The following MYRFL variants were observed in gnomAD, a reference collection of about 807,000 sequenced individuals.
MYRFL encodes the protein myelin regulatory factor like.
MYRFL carries 88 observed loss-of-function variants against 109.4 expected under a neutral mutation model. That is an observed-to-expected ratio of 0.80 (90% CI 0.68 to 0.96). MYRFL has a LOEUF of 0.96. Ranked by LOEUF, MYRFL falls within the 40% of genes least tolerant of loss-of-function variation. The pLI, the probability that MYRFL is intolerant of heterozygous loss-of-function variation, is 0.00. For missense variants in MYRFL, 957 were observed against 954.9 expected, an observed-to-expected ratio of 1.00 and a Z score of -0.03; for synonymous variants, 324 against 320.9, an observed-to-expected ratio of 1.01 and a Z score of -0.10.
Position 69,857,643 on chromosome 12 carries a change from G to GT in MYRFL, c.137+2281dup, listed in dbSNP as rs546851172. ...TTCATGTTCTTCTTTGAACATCATG[G>GT]TTTTTTTTCAATTTTTAGTTCCAAT... On this transcript the variant is annotated intron_variant, in intron 2 of 24. Transcript: ENST00000552032. Among the ~76,000 whole-genome samples, 10 of 150,082 alleles carry GT rather than the reference G, an allele frequency of 6.7e-5. No homozygotes were observed. The South Asian group carries it at 1.7e-3, about 25-fold the overall frequency.
chr12:69,831,335 C>T (rs1372765140), intron 1 of MYRFL, among the ~76,000 whole-genome samples: 1 of 152,108 alleles, frequency 6.6e-6, no homozygotes, highest in Non-Finnish European at 1.5e-5. Flanking sequence ...CAATAGAGAC[C>T]ATGTGGCCTG....
chr12:69,902,149 C>T (rs967827825), intron 10 of MYRFL, among the ~76,000 whole-genome samples: 1 of 152,148 alleles, frequency 6.6e-6, no homozygotes, highest in Non-Finnish European at 1.5e-5. Context: ...ACACCTCAGC[C>T]TCCCAAAGTG....
At chr12:69,925,818 A>G (rs1456709253) in intron 13 of MYRFL, among the ~76,000 whole-genome samples, 1 of 152,226 alleles carries the variant, frequency 6.6e-6, no homozygotes, top group East Asian at 1.9e-4. Flanking sequence ...CTACAATATA[A>G]GCAGTATACA....
intron 13 of MYRFL, among the ~76,000 whole-genome samples, chr12:69,920,654 C>CA (rs1454058197): frequency 1.3e-5 from 2 of 152,146 alleles, no homozygotes; most frequent in African/African-American, 2.4e-5. Context: ...GAGGAAGCAG[C>CA]ATGTGCTAGA....
intron 2 of MYRFL, among the ~76,000 whole-genome samples, chr12:69,867,824 G>C (rs1315196883): frequency 1.3e-5 from 2 of 152,274 alleles, no homozygotes; most frequent in East Asian, 3.9e-4. Flanking sequence ...TGAGTTCAGT[G>C]ACTGGTTTGA....
chr12:69,841,739 C>G (rs1883255633), intron 1 of MYRFL, among the ~76,000 whole-genome samples: 1 of 152,158 alleles, frequency 6.6e-6, no homozygotes, highest in Non-Finnish European at 1.5e-5. Context: ...TAAAGTGCCC[C>G]ACAATGCCCT....
chr12:69,865,174 G>A (rs917397725), intron 2 of MYRFL, among the ~76,000 whole-genome samples: 2 of 152,220 alleles, frequency 1.3e-5, no homozygotes, highest in African/African-American at 2.4e-5. Flanking sequence ...AAAGTTTTAT[G>A]TGATGCAGGA....
At chr12:69,938,049 G>C (rs913207121) in intron 19 of MYRFL, among the ~76,000 whole-genome samples, 1 of 152,140 alleles carries the variant, frequency 6.6e-6, no homozygotes, top group African/African-American at 2.4e-5. Flanking sequence ...GAGACAATGA[G>C]CTTTTCTCAT....
chr12:69,832,588 A>C (rs1882695538), intron 1 of MYRFL, among the ~76,000 whole-genome samples: 2 of 152,202 alleles, frequency 1.3e-5, no homozygotes, highest in African/African-American at 2.4e-5. Context: ...TGAGACCTGA[A>C]GAATGACCAG....
intron 1 of MYRFL, among the ~76,000 whole-genome samples, chr12:69,827,857 A>G (rs35827156): frequency 0.018 from 2,671 of 152,212 alleles, 72 homozygotes; most frequent in African/African-American, 0.061. Context: ...GGTTGAAAAC[A>G]GTTAATATAT....
Position 69,936,612 on chromosome 12 carries a change from T to A in MYRFL, c.2204T>A (p.Phe735Tyr), listed in dbSNP as rs1955478376. The change falls in exon 19 of 25, where the codon TTC becomes TAC. Residue 735 changes from phenylalanine to tyrosine, a missense_variant. Transcript: ENST00000552032. ...PVQRQSEEKEFHQRRWSEDKS... is the reference protein window; with the variant it reads ...PVQRQSEEKEYHQRRWSEDKS... ...CAAAGACAATCTGAGGAGAAGGAAT[T>A]CCATCAGAGGCGATGGTCAGGTAAA... 6.5e-7 allele frequency: 1 copy of A among 1,530,392 alleles called. No homozygotes were observed. The highest frequency in any genetic ancestry group is 1.4e-5 in the African/African-American group (1 of 72,962). The allele number at this position is 1,530,392 out of a possible 1,614,324, so 94.8% of individuals were successfully genotyped here. A position where few individuals can be genotyped will look rare whatever the true frequency, so the allele number is the denominator to read the frequency against.
At chr12:69,935,777 T>C (rs576379168) in intron 16 of MYRFL, among the ~76,000 whole-genome samples, 1 of 152,334 alleles carries the variant, frequency 6.6e-6, no homozygotes, top group African/African-American at 2.4e-5. Flanking sequence ...AAGGAGCAGT[T>C]GCCTCCAGCA....
chr12:69,858,658 C>T (rs1347356021), intron 2 of MYRFL, among the ~76,000 whole-genome samples: 1 of 151,768 alleles, frequency 6.6e-6, no homozygotes, highest in Non-Finnish European at 1.5e-5. Context: ...TTTTTATTAA[C>T]CTTTTAATCT....
chr12:69,933,583 C>T (rs1297605348), intron 16 of MYRFL, among the ~76,000 whole-genome samples: 2 of 152,130 alleles, frequency 1.3e-5, no homozygotes, highest in African/African-American at 4.8e-5. Flanking sequence ...GTAGCTTTAT[C>T]TGTGCCCTTC....
rs181300573 is a variant in MYRFL at position 69,917,273 on chromosome 12, A to T, written c.1602+6343A>T. 2.0e-5 allele frequency among the ~76,000 whole-genome samples: 3 copies of T among 151,518 alleles called. No individual in the cohort carries two copies. In the East Asian group the frequency reaches 5.8e-4, roughly 29 times the overall value. On this transcript the variant is annotated intron_variant, in intron 13 of 24. Coordinates refer to ENST00000552032, the MANE Select transcript of MYRFL (RefSeq NM_182530.3). Reference sequence around the variant, plus strand: ...AAGGGGCCTCCTCTGGCTGCTGCAGACCCTATCCACCCCCTCGGTTGGGCC... The same window carrying T: ...AAGGGGCCTCCTCTGGCTGCTGCAGTCCCTATCCACCCCCTCGGTTGGGCC...
At chr12:69,861,498 G>A (rs1230209276) in intron 2 of MYRFL, among the ~76,000 whole-genome samples, 3 of 152,162 alleles carry the variant, frequency 2.0e-5, no homozygotes, top group Non-Finnish European at 2.9e-5. Context: ...CTGATGGCCA[G>A]TGATGATGAG....
chr12:69,846,104 A>ACCT (rs1317866261), intron 1 of MYRFL, among the ~76,000 whole-genome samples: 36 of 52,326 alleles, frequency 6.9e-4, no homozygotes, highest in South Asian at 3.5e-3. Context: ...GCTATTGACT[A>ACCT]TCTTTTTTTT....
At chr12:69,864,372 A>G in intron 2 of MYRFL, among the ~76,000 whole-genome samples, 1 of 150,960 alleles carries the variant, frequency 6.6e-6, no homozygotes, top group East Asian at 1.9e-4. Context: ...TATATTGGAT[A>G]ATTTCTATTG....
chr12:69,932,619 A>T (rs1248149973), intron 16 of MYRFL, 21 bp downstream of exon 16: 2 of 1,497,846 alleles, frequency 1.3e-6, no homozygotes, highest in Non-Finnish European at 1.8e-6. Flanking sequence ...GTTCACTGTT[A>T]TGCCATGTCA....
Sources: allele counts gnomAD v4.1 joint callset (sites outside exome capture counted in the v4.1 genomes callset), GRCh38; gene constraint gnomAD v4.1.1; transcripts MANE v1.5; gene names NCBI Gene and HGNC (gene_info 2026-07-23, HGNC 2026-07-21).